The following RTN4 variants were observed in gnomAD, a reference collection of about 807,000 sequenced individuals.
RTN4 encodes reticulon-4.
Under a neutral mutation model 90.4 loss-of-function variants are expected in RTN4, and 32 were observed. That is an observed-to-expected ratio of 0.35 (90% confidence interval 0.27 to 0.48). The LOEUF (loss-of-function observed/expected upper bound fraction) is 0.48, where lower values mean the gene tolerates loss of function less well. RTN4 is among the 20% of genes least tolerant of loss of function. The probability of loss-of-function intolerance (pLI) is 0.99; values close to 1 mark genes in which losing one functional copy is unlikely to be tolerated. For missense variants in RTN4, 1,706 were observed against 1,430.2 expected, an observed-to-expected ratio of 1.19 and a Z score of -3.11; for synonymous variants, 629 against 552.5, an observed-to-expected ratio of 1.14 and a Z score of -1.94.
chr2:55,024,182 T>C (rs1394090988), intron 3 of RTN4, among the ~76,000 whole-genome samples: 2 of 152,140 alleles, frequency 1.3e-5, no homozygotes, highest in Non-Finnish European at 2.9e-5. Flanking sequence ...AGAAATGAAA[T>C]CCAGGGTTCC....
At chr2:55,006,150 G>A (rs908219749) in intron 3 of RTN4, among the ~76,000 whole-genome samples, 1 of 152,044 alleles carries the variant, frequency 6.6e-6, no homozygotes, top group African/African-American at 2.4e-5. Flanking sequence ...CTGTTAAAAA[G>A]ATACCCCAAA....
chr2:55,073,391 T>C (rs1449270794), intron 2 of RTN4, among the ~76,000 whole-genome samples: 2 of 152,250 alleles, frequency 1.3e-5, no homozygotes, highest in Non-Finnish European at 2.9e-5. Context: ...TGCAGTAGCA[T>C]AGCATTTAGT....
chr2:55,133,200 G>C, the RTN4 span, among the ~76,000 whole-genome samples: 2 of 152,128 alleles, frequency 1.3e-5, no homozygotes. Flanking sequence ...AGCAGACTGA[G>C]ACTCTGTCTC....
At chr2:55,089,130 C>A (rs1668893532) in intron 1 of RTN4, among the ~76,000 whole-genome samples, 1 of 151,996 alleles carries the variant, frequency 6.6e-6, no homozygotes, top group African/African-American at 2.4e-5. Flanking sequence ...ACCATGTTGG[C>A]CAGGCTGGTC....
chr2:55,112,538 G>A (rs1261376484), exon 1 of RTN4: 1 of 152,268 alleles, frequency 6.6e-6, no homozygotes, highest in Non-Finnish European at 1.5e-5. Flanking sequence ...TTTTTATAGA[G>A]AAGCATCTCC....
At chr2:54,989,744 G>A (rs1302023452) in intron 3 of RTN4, among the ~76,000 whole-genome samples, 2 of 152,132 alleles carry the variant, frequency 1.3e-5, no homozygotes, top group Non-Finnish European at 2.9e-5. Context: ...CTCAGAAAAG[G>A]GAAAAACTGG....
At chr2:55,016,940 T>C (rs973334229) in intron 3 of RTN4, among the ~76,000 whole-genome samples, 1 of 152,218 alleles carries the variant, frequency 6.6e-6, no homozygotes, top group Non-Finnish European at 1.5e-5. Flanking sequence ...TTAACCACAT[T>C]ATATTTAGCA....
At chr2:55,019,240 T>C (rs1681254472) in intron 3 of RTN4, among the ~76,000 whole-genome samples, 1 of 152,064 alleles carries the variant, frequency 6.6e-6, no homozygotes, top group African/African-American at 2.4e-5. Flanking sequence ...ATGCTGAGGG[T>C]CAAATGAAAA....
At chr2:55,081,212 C>T (rs895359988) in intron 1 of RTN4, among the ~76,000 whole-genome samples, 3 of 152,012 alleles carry the variant, frequency 2.0e-5, no homozygotes, top group African/African-American at 4.8e-5. Context: ...TAGCTGGGAC[C>T]ACAGGTGCTC....
At chr2:55,071,534 A>G (rs1476459899) in intron 2 of RTN4, among the ~76,000 whole-genome samples, 1 of 98,312 alleles carries the variant, frequency 1.0e-5, no homozygotes, top group African/African-American at 4.0e-5. Context: ...GAGAGGCACC[A>G]TTTGCCATCA....
At chr2:55,051,696 A>G (rs746369036), upstream of RTN4, among the ~76,000 whole-genome samples, 1 of 152,202 alleles carries the variant, frequency 6.6e-6, no homozygotes, top group African/African-American at 2.4e-5. Flanking sequence ...CTCGGAATGT[A>G]TGTAGCTAGG....
intron 2 of RTN4, among the ~76,000 whole-genome samples, chr2:55,077,865 T>G (rs536286025): frequency 1.3e-5 from 2 of 150,672 alleles, no homozygotes; most frequent in Non-Finnish European, 3.0e-5. Context: ...CTGGACAGAA[T>G]TAGAGACTGT....
At chr2:55,028,278 A>G in intron 1 of RTN4, 58 bp from the exon 2 acceptor site, 18 of 1,502,084 alleles carry the variant, frequency 1.2e-5, no homozygotes, top group Non-Finnish European at 1.6e-5. Context: ...AAAGGAGACT[A>G]AAGATAAGAG....
At position 55,049,784 on chromosome 2, in the gene RTN4, G is replaced by C; in HGVS notation, c.517C>G (p.Pro173Ala). The change falls in exon 1 of 9, where the codon CCG becomes GCG. Residue 173 changes from proline (P) to alanine (A), a missense_variant. Pro to Ala is a conservative substitution (Grantham distance 27, BLOSUM62 -1). Coordinates refer to ENST00000337526, the MANE Select transcript of RTN4 (RefSeq NM_020532.5). The stretch of plus-strand genomic sequence containing the variant: ...GAGCCCCTGCGCTTGGGCGCGGCCG[G>C]GGTGGAGGGGGGCGCGGCGGGAGCC... ...APAPAAPPST[P>A]AAPKRRGSSG... The C allele has an allele frequency of 7.6e-7, 1 of 1,319,928 alleles. No individual in the cohort carries two copies. The highest frequency in any genetic ancestry group is 9.6e-7 in the Non-Finnish European group (1 of 1,037,226). 81.8% of individuals were successfully genotyped at this position (1,319,928 alleles called of 1,614,324 possible).
At chr2:55,124,083 G>C in the RTN4 span, among the ~76,000 whole-genome samples, 1 of 152,164 alleles carries the variant, frequency 6.6e-6, no homozygotes, top group Non-Finnish European at 1.5e-5. Context: ...GACCACAGTG[G>C]AACTGCCAGC....
rs1668291504 is a variant in RTN4, at chr2:55,061,512, A to G, written c.-63+18977T>C. 2.0e-5 allele frequency among the ~76,000 whole-genome samples: 3 copies of G among 152,176 alleles called. No individual in the cohort carries two copies. In the South Asian group the frequency reaches 6.2e-4, roughly 31 times the overall value. On this transcript the variant is annotated intron_variant, in intron 2 of 3. Coordinates refer to the RTN4 transcript ENST00000427710. ...TATCCAAACCAGGATCCAACTGAGG[A>G]CCACACATCACATCTGGTTGTTATG...
chr2:55,054,618 A>T (rs1259660195), upstream of RTN4, among the ~76,000 whole-genome samples: 2 of 152,228 alleles, frequency 1.3e-5, no homozygotes, highest in African/African-American at 4.8e-5. Flanking sequence ...GCCTACATAT[A>T]GCAGGACGTG....
chr2:55,084,806 A>T (rs2105035536), intron 1 of RTN4, among the ~76,000 whole-genome samples: 1 of 152,234 alleles, frequency 6.6e-6, no homozygotes, highest in East Asian at 1.9e-4. Flanking sequence ...CTGTTTTGAG[A>T]CAGGGTCTTG....
At chr2:55,055,530 G>C (rs538964112), upstream of RTN4, among the ~76,000 whole-genome samples, 1 of 152,162 alleles carries the variant, frequency 6.6e-6, no homozygotes, top group African/African-American at 2.4e-5. Context: ...CACTTTGGGA[G>C]GCCAAGGCAG....
Sources: allele counts gnomAD v4.1 joint callset (sites outside exome capture counted in the v4.1 genomes callset), GRCh38; gene constraint gnomAD v4.1.1; transcripts MANE v1.5; gene names NCBI Gene and HGNC (gene_info 2026-07-23, HGNC 2026-07-21).